IZUMO1: variants seen among roughly 807,000 people sequenced by gnomAD.
IZUMO1 encodes the protein izumo sperm-egg fusion protein 1.
Under a neutral mutation model 40.7 loss-of-function variants are expected in IZUMO1, and 44 were observed. The ratio of observed to expected loss-of-function variants is 1.08; its 90% confidence interval spans 0.85 to 1.39. The LOEUF (loss-of-function observed/expected upper bound fraction) is 1.39. Ranked by LOEUF, IZUMO1 falls within the 40% of genes most tolerant of loss-of-function variation. The pLI is 0.00. For missense variants in IZUMO1, 368 were observed against 436.9 expected (o/e 0.84, Z 1.41); for synonymous variants, 149 against 170.9 (o/e 0.87, Z 1.00).
intron 4 of IZUMO1, 107 bp from the exon 5 acceptor site, chr19:48,744,302 T>G (rs1029596642): frequency 1.5e-6 from 2 of 1,327,362 alleles, no homozygotes; most frequent in Non-Finnish European, 2.2e-6. Flanking sequence ...GCTTTGGGCT[T>G]TTGGGTTCGA....
Position 48,745,148 on chromosome 19 carries a change from G to A in IZUMO1, c.310+66C>T, listed in dbSNP as rs533110059. 23 of 1,320,530 alleles carry A rather than the reference G, an allele frequency of 1.7e-5. No homozygotes were observed. In the African/African-American group the frequency reaches 3.0e-4, roughly 17 times the overall value. The allele number at this position is 1,320,530 out of a possible 1,614,324, so 81.8% of individuals were successfully genotyped here. ...TCCACAGCCTAGTATCTGACCAAGA[G>A]ACCAGGCATCACTAACGCTGGCTTC... On this transcript the variant is annotated intron_variant, in intron 3 of 9. Coordinates refer to ENST00000332955, the MANE Select transcript of IZUMO1 (RefSeq NM_182575.3).
At position 48,741,412 on chromosome 19, in the gene IZUMO1, G is replaced by A; in HGVS notation, c.821C>T (p.Thr274Met). The A allele has an allele frequency of 6.2e-7, 1 of 1,613,616 alleles. No individual in the cohort carries two copies. Among genetic ancestry groups the A allele is most frequent in the South Asian group, 1.1e-5 (1 of 91,072 alleles). ...AGGCTGGAGGCTTATGGACGACTCC[G>A]TGGTCGCCTCCCCCGGGGTTACGAT... The part of the protein sequence containing the change: ...PNIVTPGEAT[T>M]ESSISLQPLQ... Residue 274 changes from threonine (T) to methionine (M), a missense_variant, in exon 9 of 10, where the codon ACG (threonine) becomes ATG (methionine). Thr to Met is a moderately conservative substitution (Grantham distance 81, BLOSUM62 -1). Coordinates refer to ENST00000332955, the MANE Select transcript of IZUMO1 (RefSeq NM_182575.3). The surrounding 1 kb of genome is among the most constrained non-coding windows in gnomAD (Gnocchi z 4.4).
chr19:48,744,625 G>T, intron 3 of IZUMO1, 86 bp from the exon 4 acceptor site: 1 of 962,030 alleles, frequency 1.0e-6, no homozygotes, highest in Non-Finnish European at 1.7e-6. Context: ...CTACTTCCTG[G>T]CCTTCTCAGG....
chr19:48,743,114 A>C, intron 6 of IZUMO1: 1 of 331,282 alleles, frequency 3.0e-6, no homozygotes. Flanking sequence ...GCAGTCTCCA[A>C]CTCCTGGGTC....
In IZUMO1 at chr19:48,746,442, C is replaced by A; in HGVS notation, c.-81G>T. 2 of 990,262 alleles carry A rather than the reference C, an allele frequency of 2.0e-6. No homozygotes were observed. The highest frequency in any genetic ancestry group is 2.4e-6 in the Non-Finnish European group (2 of 832,566). 61.3% of individuals were successfully genotyped at this position (990,262 alleles called of 1,614,324 possible). On this transcript the variant is annotated 5_prime_UTR_variant, in exon 1 of 10. In the 5' UTR this introduces an upstream ATG that the reference lacks. Coordinates refer to ENST00000332955, the MANE Select transcript of IZUMO1 (RefSeq NM_182575.3). ...CAAAACCAAAACACATACCAGATTC[C>A]TAGAACTGAGGACCCCACTAACACT...
At chr19:48,743,289 G>A in intron 6 of IZUMO1, 156 bp downstream of exon 6, 1 of 653,624 alleles carries the variant, frequency 1.5e-6, no homozygotes, top group Non-Finnish European at 2.7e-6. Flanking sequence ...GCCTCTCGAA[G>A]TGCGAGACTA....
At chr19:48,745,337 C>A in intron 2 of IZUMO1, 49 bp from the exon 3 acceptor site, 1 of 1,526,192 alleles carries the variant, frequency 6.6e-7, no homozygotes, top group South Asian at 1.1e-5. Context: ...GTCTCATTGG[C>A]GCGCCTAATC....
intron 2 of IZUMO1, 166 bp from the exon 3 acceptor site, chr19:48,745,454 A>C (rs919495766): frequency 1.4e-4 from 144 of 1,029,204 alleles, no homozygotes; most frequent in Non-Finnish European, 1.9e-4. Flanking sequence ...TAAAATTGCC[A>C]GCCGAGGATA....
rs1439219633 is a variant in IZUMO1, at chr19:48,746,680, CAGGTTCTG to C, written c.-327_-320del. 5.1e-6 allele frequency: 5 copies of C among 985,522 alleles called. No homozygotes were observed. The East Asian group carries it at 4.5e-4, about 88-fold the overall frequency. The allele number at this position is 985,522 out of a possible 1,614,324, so 61.0% of individuals were successfully genotyped here. A position where few individuals can be genotyped will look rare whatever the true frequency, so the allele number is the denominator to read the frequency against. On this transcript the variant is annotated 5_prime_UTR_variant, in exon 1 of 10. The change creates a premature stop within an existing upstream ORF in the 5' untranslated region. Coordinates refer to ENST00000332955, the MANE Select transcript of IZUMO1 (RefSeq NM_182575.3). ...CTAGGGTTCATTGAGGAGCCCGGTC[CAGGTTCTG>C]AGGGCTTTTAAAGAGGAAGCCGGGG...
In IZUMO1 at chr19:48,746,830, T is replaced by G; in HGVS notation, c.-469A>C. The G allele has an allele frequency of 1.0e-6, 1 of 985,118 alleles. No homozygotes were observed. Among genetic ancestry groups the G allele is most frequent in the East Asian group, 1.1e-4 (1 of 8,868 alleles). The allele number at this position is 985,118 out of a possible 1,614,324, so 61.0% of individuals were successfully genotyped here. ...TCGACGGGGTCTGAGTCACGGACGA[T>G]CCCCTCTCCACAAGGAACTCCTGAA... On this transcript the variant is annotated 5_prime_UTR_variant, in exon 1 of 10. Coordinates refer to ENST00000332955, the MANE Select transcript of IZUMO1 (RefSeq NM_182575.3).
intron 1 of IZUMO1, chr19:48,746,210 T>G: frequency 9.2e-7 from 1 of 1,089,206 alleles, no homozygotes. Flanking sequence ...CCCAACCCCA[T>G]GCGCCCCTTC....
Position 48,745,712 on chromosome 19 carries a change from G to A in IZUMO1, c.148C>T (p.His50Tyr). 6.2e-7 allele frequency: 1 copy of A among 1,614,174 alleles called. No homozygotes were observed. The highest frequency in any genetic ancestry group is 8.5e-7 in the Non-Finnish European group (1 of 1,180,052). ...TCTACCCTTTCCATCATGGCTTTGT[G>A]ATGCTTCGCATCCAGGTGGCCAGGC... The part of the protein sequence containing the change: ...YLPGHLDAKH[H>Y]KAMMERVENA... Residue 50 changes from histidine to tyrosine, a missense_variant, in exon 2 of 10, where the codon CAC becomes TAC. His to Tyr is a moderately conservative substitution (Grantham distance 83). Transcript: ENST00000332955.
At chr19:48,744,324 CTT>C in intron 4 of IZUMO1, 127 bp downstream of exon 4, 1 of 1,229,900 alleles carries the variant, frequency 8.1e-7, no homozygotes, top group South Asian at 1.2e-5. Context: ...GGAGAAAAGA[CTT>C]GGGTCTGAAG....
intron 3 of IZUMO1, among the ~76,000 whole-genome samples, 167 bp from the exon 4 acceptor site, chr19:48,744,706 G>T (rs8111399): frequency 0.42 from 62,944 of 151,634 alleles, 14,155 homozygotes; most frequent in East Asian, 0.85. Flanking sequence ...TTTGGGGGAT[G>T]GGGGAGGGTC....
In IZUMO1 at chr19:48,740,955, G is replaced by C; in HGVS notation, c.1006C>G (p.Gln336Glu). The change falls in exon 10 of 10, where the codon CAA (glutamine) becomes GAA (glutamate). Residue 336 changes from glutamine (Q) to glutamate (E), a missense_variant. Gln to Glu is a conservative substitution (Grantham distance 29). Coordinates refer to ENST00000332955, the MANE Select transcript of IZUMO1 (RefSeq NM_182575.3). The surrounding 1 kb of genome is among the most constrained non-coding windows in gnomAD (Gnocchi z 5.5). ...GCCTTTTCTTTTGGGACCTGGGTTT[G>C]CTCGGCCGCTCCACTGCCAAGGCCA... Reference protein sequence around the residue: ...LFGLGSGAAEQTQVPKEKATD... With the variant: ...LFGLGSGAAEETQVPKEKATD... 1 of 1,614,162 alleles carries C rather than the reference G, an allele frequency of 6.2e-7. No individual in the cohort carries two copies. The highest frequency in any genetic ancestry group is 8.5e-7 in the Non-Finnish European group (1 of 1,180,008).
chr19:48,743,529 G>A lies in IZUMO1; in HGVS notation c.419-4C>T. On this transcript the variant is annotated splice_region_variant and splice_polypyrimidine_tract_variant and intron_variant, in intron 5 of 9. Coordinates refer to ENST00000332955, the MANE Select transcript of IZUMO1 (RefSeq NM_182575.3). ...ATCAGAGTTTGCAACATCACACCTG[G>A]AGGGGCAGGGTCAAGGCTTGTATTT... 6.2e-7 allele frequency: 1 copy of A among 1,609,450 alleles called. No individual in the cohort carries two copies. The highest frequency in any genetic ancestry group is 8.5e-7 in the Non-Finnish European group (1 of 1,175,746).
rs1038611300 is a variant in IZUMO1, at chr19:48,741,629, G to C, written c.755-151C>G. ...CACACCCAAGGGAACCCCTGTCCTCGGGGCCAGAGGCCACGCCCCCGGCAG... is the reference window on the plus strand; with the variant it reads ...CACACCCAAGGGAACCCCTGTCCTCCGGGCCAGAGGCCACGCCCCCGGCAG... On this transcript the variant is annotated intron_variant, in intron 8 of 9. Transcript: ENST00000332955. This position sits in a 1 kb window ranked among gnomAD's most constrained non-coding sequence, Gnocchi z 4.4. 5 of 1,246,902 alleles carry C rather than the reference G, an allele frequency of 4.0e-6. No homozygotes were observed. The highest frequency in any genetic ancestry group is 5.5e-6 in the Non-Finnish European group (5 of 913,030). 77.2% of individuals were successfully genotyped at this position (1,246,902 alleles called of 1,614,324 possible).
chr19:48,746,267 A>T (rs2033881164), intron 1 of IZUMO1, 168 bp downstream of exon 1: 3 of 1,054,152 alleles, frequency 2.8e-6, no homozygotes, highest in Non-Finnish European at 3.4e-6. Flanking sequence ...GATTGACGTG[A>T]GCCTGAACTC....
intron 3 of IZUMO1, 26 bp from the exon 4 acceptor site, chr19:48,744,565 C>T: frequency 6.5e-7 from 1 of 1,537,600 alleles, no homozygotes; most frequent in East Asian, 2.3e-5. Context: ...AACCCCCAAT[C>T]CCACGTGTGA....
Sources: gnomAD v4.1 joint callset for allele counts (sites outside exome capture counted in the v4.1 genomes callset) on GRCh38, gnomAD v4.1.1 for gene constraint, Gnocchi (gnomAD v3.1) non-coding constraint, MANE v1.5 for transcripts, NCBI Gene and HGNC (gene_info 2026-07-23, HGNC 2026-07-21) for gene names.